Variants in ARHGAP10 observed in about 807,000 individuals in gnomAD.
ARHGAP10 encodes the protein Rho GTPase activating protein 10.
In ARHGAP10, 87 loss-of-function variants were observed where a neutral mutation model predicts 108.6. That is an observed-to-expected ratio of 0.80 (90% CI 0.67 to 0.96). The LOEUF (loss-of-function observed/expected upper bound fraction) is 0.96, where lower values mean the gene tolerates loss of function less well. Among genes scored for constraint, ARHGAP10 ranks in the 40% least tolerant of loss-of-function variants. The pLI is 0.00. For synonymous variants in ARHGAP10, 347 were observed against 341.1 expected (o/e 1.02, Z -0.19); for missense variants, 939 against 954.5 (o/e 0.98, Z 0.21).
At chr4:147,806,468 A>C (rs1016486750) in intron 1 of ARHGAP10, among the ~76,000 whole-genome samples, 1 of 150,518 alleles carries the variant, frequency 6.6e-6, no homozygotes, top group African/African-American at 2.4e-5. Context: ...CAGATTAAGT[A>C]ATCAGGGGCT....
At position 147,897,105 on chromosome 4, in the gene ARHGAP10, C is replaced by T. The variant is rs1193953320; in HGVS notation, c.1035-9533C>T. Among the ~76,000 whole-genome samples, 5 of 151,936 alleles carry T rather than the reference C, an allele frequency of 3.3e-5. No individual in the cohort carries two copies. The South Asian group carries it at 6.2e-4, about 19-fold the overall frequency. Reference sequence around the variant, plus strand: ...GCTACACTTGCTTTCTTATACTGTTCGTACAGCATGTCTTTTTTCACCCTT... The same window carrying T: ...GCTACACTTGCTTTCTTATACTGTTTGTACAGCATGTCTTTTTTCACCCTT... On this transcript the variant is annotated intron_variant, in intron 10 of 22. Transcript: ENST00000336498.
intron 8 of ARHGAP10, among the ~76,000 whole-genome samples, chr4:147,876,890 T>C (rs1735088095): frequency 6.6e-6 from 1 of 152,178 alleles, no homozygotes; most frequent in African/African-American, 2.4e-5. Flanking sequence ...TAAATGAAAA[T>C]GGAGGCACTG....
intron 7 of ARHGAP10, 107 bp downstream of exon 7, chr4:147,866,923 T>C: frequency 1.0e-6 from 1 of 954,482 alleles, no homozygotes; most frequent in African/African-American, 1.7e-5. Flanking sequence ...GATCTGTTTG[T>C]ACTGAGAAAC....
At chr4:147,955,501 G>A in intron 16 of ARHGAP10, 127 bp downstream of exon 16, 1 of 758,206 alleles carries the variant, frequency 1.3e-6, no homozygotes, top group South Asian at 1.8e-5. Flanking sequence ...CGCTTTAAAT[G>A]ATGTTTGGTG....
At chr4:147,831,053 C>G (rs1048219040) in intron 3 of ARHGAP10, among the ~76,000 whole-genome samples, 1 of 152,234 alleles carries the variant, frequency 6.6e-6, no homozygotes, top group Non-Finnish European at 1.5e-5. Flanking sequence ...CACCCCAGAA[C>G]TCTACTGAGT....
chr4:148,066,176 A>G (rs886755729), intron 22 of ARHGAP10, among the ~76,000 whole-genome samples: 1 of 152,168 alleles, frequency 6.6e-6, no homozygotes, highest in Admixed American at 6.5e-5. Flanking sequence ...TGACTACCAC[A>G]GTTCCATGTA....
intron 18 of ARHGAP10, 114 bp from the exon 19 acceptor site, chr4:148,023,149 T>C: frequency 8.0e-7 from 1 of 1,251,632 alleles, no homozygotes; most frequent in Non-Finnish European, 1.1e-6. Flanking sequence ...GATTTTGGGC[T>C]CTAGCCTGTC....
At chr4:147,933,665 C>A (rs551102876) in intron 13 of ARHGAP10, among the ~76,000 whole-genome samples, 2 of 152,180 alleles carry the variant, frequency 1.3e-5, no homozygotes, top group Non-Finnish European at 2.9e-5. Flanking sequence ...AAAAAAGATA[C>A]TGGGACTGTG....
At chr4:147,855,418 T>A (rs1262215347) in intron 4 of ARHGAP10, among the ~76,000 whole-genome samples, 1 of 138,544 alleles carries the variant, frequency 7.2e-6, no homozygotes, top group African/African-American at 3.5e-5. Flanking sequence ...AGAGTAACTA[T>A]GTAATATCAA....
intron 1 of ARHGAP10, among the ~76,000 whole-genome samples, chr4:147,742,115 G>A (rs979897151): frequency 6.6e-6 from 1 of 151,860 alleles, no homozygotes; most frequent in African/African-American, 2.4e-5. Context: ...GGCCACAGCA[G>A]TGTCACCTCA....
intron 1 of ARHGAP10, among the ~76,000 whole-genome samples, chr4:147,785,100 AG>A (rs1197341180): frequency 4.1e-5 from 6 of 145,664 alleles, no homozygotes; most frequent in Non-Finnish European, 9.0e-5. Flanking sequence ...AAAAAAAAAA[AG>A]AATAACATCT....
At chr4:147,791,306 T>G (rs1731113471) in intron 1 of ARHGAP10, among the ~76,000 whole-genome samples, 1 of 151,702 alleles carries the variant, frequency 6.6e-6, no homozygotes, top group African/African-American at 2.4e-5. Flanking sequence ...GAGACAGGGT[T>G]TTGCTATGTT....
intron 12 of ARHGAP10, among the ~76,000 whole-genome samples, chr4:147,910,785 T>G (rs890802520): frequency 6.6e-6 from 1 of 152,200 alleles, no homozygotes; most frequent in African/African-American, 2.4e-5. Flanking sequence ...TGTCCACAGT[T>G]TGTAAACACT....
chr4:147,919,279 T>G (rs1455544987), intron 13 of ARHGAP10, among the ~76,000 whole-genome samples: 2 of 152,198 alleles, frequency 1.3e-5, no homozygotes, highest in African/African-American at 4.8e-5. Flanking sequence ...TGGCAGTTAC[T>G]TATAAATTAT....
chr4:147,781,742 A>G (rs1730546083), intron 1 of ARHGAP10, among the ~76,000 whole-genome samples: 1 of 149,302 alleles, frequency 6.7e-6, no homozygotes, highest in South Asian at 2.1e-4. Flanking sequence ...CAGTGGCGCA[A>G]TCTCGGCTTA....
In ARHGAP10 at chr4:147,946,690, G is replaced by T. The variant is rs758244575; in HGVS notation, c.1377G>T (p.Leu459Phe). 2 of 1,609,566 alleles carry T rather than the reference G, an allele frequency of 1.2e-6. No homozygotes were observed. The highest frequency in any genetic ancestry group is 1.7e-6 in the Non-Finnish European group (2 of 1,178,524). ...AAGTGAAGACAATAACAAGTGCCTTGAAACAGTATTTGAGGTAAGCTCCTC... is the reference window on the plus strand; with the variant it reads ...AAGTGAAGACAATAACAAGTGCCTTTAAACAGTATTTGAGGTAAGCTCCTC... ...DWEVKTITSA[L>F]KQYLRSLPEP... The change falls in exon 15 of 23, where the codon TTG (leucine) becomes TTT (phenylalanine). Residue 459 changes from leucine (L) to phenylalanine (F), a missense_variant. Physicochemically the swap from Leu to Phe is conservative, Grantham distance 22. Coordinates refer to ENST00000336498, the MANE Select transcript of ARHGAP10 (RefSeq NM_024605.4).
At chr4:147,760,681 CTTGTT>C in intron 1 of ARHGAP10, among the ~76,000 whole-genome samples, 1 of 152,266 alleles carries the variant, frequency 6.6e-6, no homozygotes, top group Admixed American at 6.5e-5. Flanking sequence ...ATTTTTCCCT[CTTGTT>C]TTGAACATTG....
chr4:147,859,332 G>A (rs1183154175), intron 5 of ARHGAP10, among the ~76,000 whole-genome samples: 1 of 148,974 alleles, frequency 6.7e-6, no homozygotes, highest in African/African-American at 2.5e-5. Flanking sequence ...GAGTGCAATG[G>A]TTAGATCTTG....
At chr4:148,029,665 A>C (rs557675712) in intron 19 of ARHGAP10, among the ~76,000 whole-genome samples, 1 of 151,412 alleles carries the variant, frequency 6.6e-6, no homozygotes. Context: ...ATGCTTACCA[A>C]TTTTTTTTTG....
Sources: gnomAD v4.1 joint callset for allele counts (sites outside exome capture counted in the v4.1 genomes callset) on GRCh38, gnomAD v4.1.1 for gene constraint, MANE v1.5 for transcripts, NCBI Gene and HGNC (gene_info 2026-07-23, HGNC 2026-07-21) for gene names.